AGO3: variants seen among roughly 807,000 people sequenced by gnomAD.
The protein encoded by AGO3 is argonaute RISC catalytic component 3.
AGO3 carries 16 observed loss-of-function variants against 105.5 expected under a neutral mutation model. That is an observed-to-expected ratio of 0.15 (90% CI 0.10 to 0.23). The LOEUF (loss-of-function observed/expected upper bound fraction) is 0.23, where lower values mean the gene tolerates loss of function less well. Ranked by LOEUF, AGO3 falls within the 10% of genes least tolerant of loss-of-function variation. AGO3 has a pLI of 1.00. For missense variants in AGO3, 534 were observed against 1,088.0 expected, an observed-to-expected ratio of 0.49 and a Z score of 7.16; for synonymous variants, 340 against 367.3, an observed-to-expected ratio of 0.93 and a Z score of 0.85.
In AGO3 at chr1:35,940,224, G is replaced by A. The variant is rs147784476; in HGVS notation, c.20-5468G>A. Among the ~76,000 whole-genome samples the A allele has an allele frequency of 8.3e-3, 1,257 of 152,070 alleles. 25 individuals are homozygous for A. Among genetic ancestry groups the A allele is most frequent in the African/African-American group, 0.027 (1,129 of 41,462 alleles). ...TGGGATTACAGGCATGCGCCATGAC[G>A]CCCGGCTAATTTTTGTATTTTTAGT... On this transcript the variant is annotated intron_variant, in intron 1 of 18. Transcript: ENST00000373191.
At position 36,055,502 on chromosome 1, in the gene AGO3, A is replaced by G. The variant is rs1308840476; in HGVS notation, c.2475-135A>G. 1.2e-6 allele frequency: 1 copy of G among 821,448 alleles called. No individual in the cohort carries two copies. The highest frequency in any genetic ancestry group is 1.9e-6 in the Non-Finnish European group (1 of 518,016). The allele number at this position is 821,448 out of a possible 1,614,324, so 50.9% of individuals were successfully genotyped here. A position where few individuals can be genotyped will look rare whatever the true frequency, so the allele number is the denominator to read the frequency against. On this transcript the variant is annotated intron_variant, in intron 18 of 18. Transcript: ENST00000373191. This position sits in a 1 kb window ranked among gnomAD's most constrained non-coding sequence, Gnocchi z 4.4. ...AGTTAATAGTGATTGAAGCTGAGTG[A>G]TGGACACATAGATTGTTACACCAGT...
intron 17 of AGO3, among the ~76,000 whole-genome samples, chr1:36,046,140 A>T (rs1424838364): frequency 6.6e-6 from 1 of 152,192 alleles, no homozygotes; most frequent in African/African-American, 2.4e-5. Context: ...AGTTGCCTGG[A>T]GTCCACATAA....
chr1:35,985,250 C>G (rs1218642499), intron 5 of AGO3, among the ~76,000 whole-genome samples: 1 of 152,088 alleles, frequency 6.6e-6, no homozygotes, highest in East Asian at 1.9e-4. Flanking sequence ...CCACTGTACT[C>G]CAGCCTGGGC....
chr1:36,004,516 C>A (rs780857302), intron 6 of AGO3, 41 bp downstream of exon 6: 1 of 1,513,636 alleles, frequency 6.6e-7, no homozygotes, highest in Non-Finnish European at 8.9e-7. Flanking sequence ...CTATAAAATG[C>A]ATGGATATAA....
In AGO3 at chr1:36,039,972, G is replaced by T. The variant is rs1642179675; in HGVS notation, c.2025G>T (p.Gly675=). Reference sequence around the variant, plus strand: ...TTTATCGGGATGGTGTTTCAGAGGGGCAGTTTAGGCAGGTTGGTTACCTAG... The same window carrying T: ...TTTATCGGGATGGTGTTTCAGAGGGTCAGTTTAGGCAGGTTGGTTACCTAG... ...IIFYRDGVSE[G]QFRQVLYYEL... The change falls in exon 15 of 19, where the codon GGG becomes GGT. Residue 675 remains glycine, a synonymous_variant. Coordinates refer to ENST00000373191, the MANE Select transcript of AGO3 (RefSeq NM_024852.4). The T allele has an allele frequency of 6.2e-7, 1 of 1,611,342 alleles. No individual in the cohort carries two copies. The highest frequency in any genetic ancestry group is 1.1e-5 in the South Asian group (1 of 90,742).
chr1:36,057,871 G>C lies in AGO3; in HGVS notation c.*2126G>C, dbSNP rs1423960993. Reference sequence around the variant, plus strand: ...GGGCACCTCTAATCCCAGCTACTCGGGAGGCTGAGGCAGGATTGCTTGAAC... The same window carrying C: ...GGGCACCTCTAATCCCAGCTACTCGCGAGGCTGAGGCAGGATTGCTTGAAC... On this transcript the variant is annotated 3_prime_UTR_variant, in exon 19 of 19. Transcript: ENST00000373191. 1 of 152,092 alleles carries C rather than the reference G, an allele frequency of 6.6e-6. No individual in the cohort carries two copies. The highest frequency in any genetic ancestry group is 2.4e-5 in the African/African-American group (1 of 41,386). The allele number at this position is 152,092 out of a possible 1,614,324, so 9.4% of individuals were successfully genotyped here.
chr1:35,951,028 C>G (rs1260553073), intron 2 of AGO3, among the ~76,000 whole-genome samples: 1 of 151,486 alleles, frequency 6.6e-6, no homozygotes, highest in Non-Finnish European at 1.5e-5. Flanking sequence ...ACATTCTCAG[C>G]TCACTGCAAC....
At chr1:36,018,430 G>T (rs1006322331) in intron 11 of AGO3, among the ~76,000 whole-genome samples, 8 of 151,492 alleles carry the variant, frequency 5.3e-5, no homozygotes, top group African/African-American at 1.9e-4. Flanking sequence ...GTGTGTGAGG[G>T]TTTTTGTTTT....
chr1:36,022,836 T>A (rs1641302569), intron 11 of AGO3, among the ~76,000 whole-genome samples: 2 of 148,526 alleles, frequency 1.3e-5, no homozygotes, highest in Non-Finnish European at 3.0e-5. Flanking sequence ...GGAGGCAGAG[T>A]CAGGAGAATT....
At chr1:36,035,179 A>G (rs1641947610) in intron 13 of AGO3, among the ~76,000 whole-genome samples, 1 of 152,180 alleles carries the variant, frequency 6.6e-6, no homozygotes, top group African/African-American at 2.4e-5. Flanking sequence ...AGATCCGTAA[A>G]TGAGATAAAT....
At chr1:35,943,393 C>A (rs1646293872) in intron 1 of AGO3, among the ~76,000 whole-genome samples, 1 of 150,698 alleles carries the variant, frequency 6.6e-6, no homozygotes, top group South Asian at 2.1e-4. Context: ...CTACTGTCTC[C>A]CAGGTTCAAG....
At chr1:35,981,060 G>A (rs1647044129) in intron 5 of AGO3, among the ~76,000 whole-genome samples, 1 of 152,018 alleles carries the variant, frequency 6.6e-6, no homozygotes, top group South Asian at 2.1e-4. Context: ...CTGGTTAGTT[G>A]CTCCTTGAGT....
chr1:36,009,095 G>T (rs1415828754), intron 8 of AGO3, 51 bp downstream of exon 8: 1 of 1,387,650 alleles, frequency 7.2e-7, no homozygotes, highest in Non-Finnish European at 8.9e-7. Context: ...GATTCTTTTG[G>T]GGTCTTTTAT....
chr1:35,940,359 G>A (rs1398403259), intron 1 of AGO3, among the ~76,000 whole-genome samples: 2 of 152,082 alleles, frequency 1.3e-5, no homozygotes, highest in Admixed American at 6.5e-5. Context: ...GAGCCACCAC[G>A]CCCAGCCTAA....
intron 5 of AGO3, among the ~76,000 whole-genome samples, chr1:35,994,815 T>C (rs1648117848): frequency 6.6e-6 from 1 of 152,166 alleles, no homozygotes. Context: ...GCCCCCACGC[T>C]GAAAGCTACA....
In AGO3 at chr1:35,931,402, C is replaced by A; in HGVS notation, c.-25C>A. The A allele has an allele frequency of 1.4e-6, 2 of 1,466,072 alleles. No homozygotes were observed. Among genetic ancestry groups the A allele is most frequent in the South Asian group, 1.4e-5 (1 of 71,524 alleles). 90.8% of individuals were successfully genotyped at this position (1,466,072 alleles called of 1,614,324 possible). On this transcript the variant is annotated 5_prime_UTR_variant, in exon 1 of 19. Coordinates refer to ENST00000373191, the MANE Select transcript of AGO3 (RefSeq NM_024852.4). ...GCCAGTGGCGGGCTCCGTTCTCCCT[C>A]GAAGCACTCCCCCCAGCTCCATGAA...
chr1:35,938,214 C>A (rs569183336), intron 1 of AGO3, among the ~76,000 whole-genome samples: 1 of 152,058 alleles, frequency 6.6e-6, no homozygotes, highest in Non-Finnish European at 1.5e-5. Flanking sequence ...CCAGACCTGA[C>A]CTCAGGTGAT....
chr1:36,010,673 C>T (rs1486299814), intron 9 of AGO3, among the ~76,000 whole-genome samples: 2 of 150,880 alleles, frequency 1.3e-5, no homozygotes, highest in Admixed American at 6.6e-5. Flanking sequence ...TTTCGGAGGC[C>T]GAGGGGGGCG....
At chr1:36,041,090 A>G (rs1465978880) in intron 16 of AGO3, among the ~76,000 whole-genome samples, 1 of 151,352 alleles carries the variant, frequency 6.6e-6, no homozygotes, top group Non-Finnish European at 1.5e-5. Context: ...AAAAAAAAAA[A>G]AAAAGTGGAA....
Sources: gnomAD v4.1 joint callset for allele counts (sites outside exome capture counted in the v4.1 genomes callset) on GRCh38, gnomAD v4.1.1 for gene constraint, Gnocchi (gnomAD v3.1) non-coding constraint, MANE v1.5 for transcripts, NCBI Gene and HGNC (gene_info 2026-07-23, HGNC 2026-07-21) for gene names.